The following HDAC9 variants were observed in gnomAD, a reference collection of about 807,000 sequenced individuals.
The protein encoded by HDAC9 is MEF-2 interacting transcription repressor (MITR) protein.
HDAC9 carries 41 observed loss-of-function variants against 139.4 expected under a neutral mutation model. The ratio of observed to expected loss-of-function variants is 0.29; its 90% CI spans 0.23 to 0.38. The LOEUF (loss-of-function observed/expected upper bound fraction) is 0.38, where lower values mean the gene tolerates loss of function less well. Among genes scored for constraint, HDAC9 ranks in the 10% least tolerant of loss-of-function variants. The pLI, the probability that HDAC9 is intolerant of heterozygous loss-of-function variation, is 1.00. For missense variants in HDAC9, 1,147 were observed against 1,297.0 expected (o/e 0.88, Z 1.78); for synonymous variants, 517 against 476.2 (o/e 1.09, Z -1.12).
At chr7:18,260,309 TTG>T (rs200863923) in intron 2 of HDAC9, among the ~76,000 whole-genome samples, 37,038 of 129,426 alleles carry the variant, frequency 0.29, 3,784 homozygotes, top group Admixed American at 0.4. Context: ...ACACTTTTTT[TTG>T]TTTTTTTTTT....
At chr7:18,887,254 A>G (rs1372935510) in intron 22 of HDAC9, among the ~76,000 whole-genome samples, 3 of 152,136 alleles carry the variant, frequency 2.0e-5, no homozygotes, top group African/African-American at 7.2e-5. Flanking sequence ...CCGCTTCCAG[A>G]ATTTCTGACT....
At chr7:18,729,892 A>G (rs1244333702) in intron 13 of HDAC9, among the ~76,000 whole-genome samples, 1 of 152,208 alleles carries the variant, frequency 6.6e-6, no homozygotes, top group Non-Finnish European at 1.5e-5. Context: ...ATCAATGAAT[A>G]TTAATTTCAT....
rs902320061 is a variant in HDAC9, at chr7:18,643,087, A to G, written c.913-1584A>G. 9.2e-5 allele frequency among the ~76,000 whole-genome samples: 14 copies of G among 152,210 alleles called. No individual in the cohort carries two copies. The South Asian group carries it at 2.5e-3, about 27-fold the overall frequency. ...TTACTGCCAATAAGCTAGTTAAAAT[A>G]TTTTTACTTCCTTATATGTTCCTTT... On this transcript the variant is annotated intron_variant, in intron 8 of 25. Coordinates refer to ENST00000686413, the MANE Select transcript of HDAC9 (RefSeq NM_178425.4).
intron 12 of HDAC9, among the ~76,000 whole-genome samples, chr7:18,679,248 C>T (rs1389119827): frequency 6.6e-6 from 1 of 151,782 alleles, no homozygotes; most frequent in Non-Finnish European, 1.5e-5. Context: ...TCTTTACATT[C>T]AAATATTAAC....
intron 23 of HDAC9, among the ~76,000 whole-genome samples, chr7:18,952,000 A>C (rs1782831613): frequency 6.6e-6 from 1 of 151,930 alleles, no homozygotes; most frequent in African/African-American, 2.4e-5. Flanking sequence ...GCCAGAGAAA[A>C]AATAAAGAAC....
At chr7:18,094,597 A>G (rs1245839505) in intron 1 of HDAC9, among the ~76,000 whole-genome samples, 3 of 152,030 alleles carry the variant, frequency 2.0e-5, no homozygotes, top group African/African-American at 4.8e-5. Flanking sequence ...GTACCTGGCT[A>G]ATTAAAAAAA....
intron 1 of HDAC9, among the ~76,000 whole-genome samples, chr7:18,475,218 A>G (rs1050519521): frequency 1.3e-5 from 2 of 152,220 alleles, no homozygotes; most frequent in South Asian, 4.1e-4. Flanking sequence ...TGCAAATGGG[A>G]CAAGAGCCAT....
At chr7:18,862,529 A>G (rs1261065497) in intron 21 of HDAC9, among the ~76,000 whole-genome samples, 3 of 152,176 alleles carry the variant, frequency 2.0e-5, no homozygotes, top group African/African-American at 4.8e-5. Flanking sequence ...AGATAATTCA[A>G]TTTTGAGATG....
intron 12 of HDAC9, among the ~76,000 whole-genome samples, chr7:18,685,994 A>G (rs1394056984): frequency 6.6e-6 from 1 of 152,020 alleles, no homozygotes; most frequent in African/African-American, 2.4e-5. Context: ...TTATCATTTA[A>G]TCACCATTTC....
At chr7:18,774,682 G>T (rs150201134) in intron 16 of HDAC9, among the ~76,000 whole-genome samples, 2 of 152,036 alleles carry the variant, frequency 1.3e-5, no homozygotes, top group African/African-American at 4.8e-5. Flanking sequence ...TGGATAAAGC[G>T]TTGGCTCAAG....
intron 11 of HDAC9, among the ~76,000 whole-genome samples, chr7:18,651,601 G>A (rs538343469): frequency 4.0e-4 from 60 of 151,896 alleles, no homozygotes; most frequent in African/African-American, 1.4e-3. Flanking sequence ...CATGGGTGAT[G>A]CAAGGATTGA....
At chr7:18,514,378 T>C (rs1458993055) in intron 2 of HDAC9, among the ~76,000 whole-genome samples, 2 of 152,224 alleles carry the variant, frequency 1.3e-5, no homozygotes, top group Non-Finnish European at 2.9e-5. Context: ...GTATCGTTAG[T>C]GTTCATGTTT....
chr7:18,868,985 A>ATGCATCTC (rs1178064707), intron 21 of HDAC9, among the ~76,000 whole-genome samples: 3 of 152,102 alleles, frequency 2.0e-5, no homozygotes, highest in African/African-American at 4.8e-5. Context: ...ACCTTGTCTT[A>ATGCATCTC]TGCATCTCTT....
intron 1 of HDAC9, among the ~76,000 whole-genome samples, chr7:18,384,075 C>G (rs1213843870): frequency 6.6e-6 from 1 of 151,964 alleles, no homozygotes; most frequent in Non-Finnish European, 1.5e-5. Context: ...ATTTGGGAGG[C>G]CAAGGTGGGA....
At chr7:18,275,285 C>T (rs1490635397) in intron 2 of HDAC9, among the ~76,000 whole-genome samples, 6 of 152,192 alleles carry the variant, frequency 3.9e-5, no homozygotes. Flanking sequence ...TCTCACTTTA[C>T]AGCTACCCTC....
intron 6 of HDAC9, among the ~76,000 whole-genome samples, chr7:18,622,856 AACAGAGGCCGGGT>A (rs1840602347): frequency 6.6e-6 from 1 of 152,026 alleles, no homozygotes; most frequent in South Asian, 2.1e-4. Flanking sequence ...ATTAAGAGTG[AACAGAGGCCGGGT>A]ACAGTGGCTC....
chr7:18,207,178 A>G (rs572403906), intron 2 of HDAC9, among the ~76,000 whole-genome samples: 50 of 152,136 alleles, frequency 3.3e-4, no homozygotes, highest in African/African-American at 1.1e-3. Flanking sequence ...ACTCAAAGCA[A>G]TCTGCCTGCC....
intron 1 of HDAC9, among the ~76,000 whole-genome samples, chr7:18,408,607 G>A (rs186511401): frequency 5.3e-5 from 8 of 152,266 alleles, no homozygotes; most frequent in Admixed American, 1.3e-4. Context: ...TGAGACCAAG[G>A]ACCTTGACAC....
intron 6 of HDAC9, among the ~76,000 whole-genome samples, chr7:18,628,251 G>C (rs1398693566): frequency 6.6e-6 from 1 of 152,108 alleles, no homozygotes; most frequent in African/African-American, 2.4e-5. Flanking sequence ...CCTGGGTACA[G>C]AGCCTGGCTT....
Sources: allele counts gnomAD v4.1 joint callset (sites outside exome capture counted in the v4.1 genomes callset), GRCh38; gene constraint gnomAD v4.1.1; transcripts MANE v1.5; gene names NCBI Gene and HGNC (gene_info 2026-07-23, HGNC 2026-07-21).